The following STYX variants were observed in gnomAD, a reference collection of about 807,000 sequenced individuals.
STYX encodes the protein serine/threonine/tyrosine-interacting protein.
STYX carries 20 observed loss-of-function variants against 42.7 expected under a neutral mutation model. The ratio of observed to expected loss-of-function variants is 0.47; its 90% CI spans 0.33 to 0.68. STYX has a LOEUF of 0.68. Among genes scored for constraint, STYX ranks in the 30% least tolerant of loss-of-function variants. The probability of loss-of-function intolerance (pLI) is 0.02; values close to 1 mark genes in which losing one functional copy is unlikely to be tolerated. For missense variants in STYX, 226 were observed against 268.5 expected, an observed-to-expected ratio of 0.84 and a Z score of 1.11; for synonymous variants, 78 against 81.9, an observed-to-expected ratio of 0.95 and a Z score of 0.26.
intron 10 of STYX, among the ~76,000 whole-genome samples, chr14:52,769,500 C>A (rs748705195): frequency 6.6e-6 from 1 of 152,042 alleles, no homozygotes; most frequent in Non-Finnish European, 1.5e-5. Context: ...GTAGTAAGAA[C>A]AGCTTATATA....
chr14:52,756,675 CTTTTTTTTT>C (rs748826005), intron 5 of STYX, 64 bp downstream of exon 5: 40 of 71,902 alleles, frequency 5.6e-4, no homozygotes, highest in East Asian at 1.1e-3. Flanking sequence ...CTTAGTTGTG[CTTTTTTTTT>C]TTTTTTTTTT....
chr14:52,757,581 A>G (rs1291905352), intron 6 of STYX, among the ~76,000 whole-genome samples, 162 bp from the exon 7 acceptor site: 1 of 152,204 alleles, frequency 6.6e-6, no homozygotes, highest in Non-Finnish European at 1.5e-5. Context: ...CTTTAATAAG[A>G]GTCTGCTATA....
At position 52,771,068 on chromosome 14, in the gene STYX, T is replaced by A. The variant is rs369884692; in HGVS notation, c.634T>A (p.Phe212Ile). Reference sequence around the variant, plus strand: ...GAGAACACATGAAGAAGAGGATGATTTTGGAACCATGCAAGTGGCGACTGC... The same window carrying A: ...GAGAACACATGAAGAAGAGGATGATATTGGAACCATGCAAGTGGCGACTGC... ...LKRTHEEEDD[F>I]GTMQVATAQN... The change falls in exon 11 of 11, where the codon TTT becomes ATT. Residue 212 changes from phenylalanine (F) to isoleucine (I), a missense_variant. Physicochemically the swap from Phe to Ile is conservative, Grantham distance 21 (BLOSUM62 0). Coordinates refer to ENST00000354586, the MANE Select transcript of STYX (RefSeq NM_145251.4). The A allele has an allele frequency of 1.2e-6, 2 of 1,612,956 alleles. No individual in the cohort carries two copies. Among genetic ancestry groups the A allele is most frequent in the Non-Finnish European group, 1.7e-6 (2 of 1,179,244 alleles).
intron 1 of STYX, 77 bp from the exon 2 acceptor site, chr14:52,744,775 G>C: frequency 1.5e-6 from 2 of 1,328,886 alleles, no homozygotes; most frequent in South Asian, 1.2e-5. Flanking sequence ...CTACATACTT[G>C]TGTGTCACAT....
At chr14:52,736,992 C>G (rs2139880412) in intron 1 of STYX, among the ~76,000 whole-genome samples, 1 of 152,288 alleles carries the variant, frequency 6.6e-6, no homozygotes, top group East Asian at 1.9e-4. Context: ...AAGTGCAATA[C>G]TAACTTTTCT....
intron 5 of STYX, among the ~76,000 whole-genome samples, 171 bp from the exon 6 acceptor site, chr14:52,757,148 C>T (rs1881905110): frequency 6.6e-6 from 1 of 152,034 alleles, no homozygotes; most frequent in Non-Finnish European, 1.5e-5. Context: ...ATTTTGGCTT[C>T]TTTAATTTTT....
At chr14:52,764,219 C>A (rs1882211059) in intron 9 of STYX, among the ~76,000 whole-genome samples, 1 of 152,142 alleles carries the variant, frequency 6.6e-6, no homozygotes. Flanking sequence ...TCTCGAACTC[C>A]TGACCTCATG....
intron 6 of STYX, 64 bp downstream of exon 6, chr14:52,757,419 G>A: frequency 1.4e-6 from 2 of 1,431,908 alleles, no homozygotes; most frequent in South Asian, 1.2e-5. Context: ...TTTTTTAGTT[G>A]GTATTTGTCT....
intron 9 of STYX, 92 bp downstream of exon 9, chr14:52,759,846 T>C: frequency 1.3e-6 from 1 of 778,742 alleles, no homozygotes; most frequent in South Asian, 1.7e-5. Context: ...TGTGAATACT[T>C]AAAATTGCCA....
In STYX at chr14:52,750,930, T is replaced by C. The variant is rs193119615; in HGVS notation, c.242+150T>C. 5 of 474,610 alleles carry C rather than the reference T, an allele frequency of 1.1e-5. No homozygotes were observed. The Admixed American group carries it at 1.8e-4, about 17-fold the overall frequency. 29.4% of individuals were successfully genotyped at this position (474,610 alleles called of 1,614,324 possible). A position where few individuals can be genotyped will look rare whatever the true frequency, so the allele number is the denominator to read the frequency against. On this transcript the variant is annotated intron_variant, in intron 4 of 10. Coordinates refer to ENST00000354586, the MANE Select transcript of STYX (RefSeq NM_145251.4). ...ATAAATTTTACTTAAAATACTTAAA[T>C]AAATTATGCCCATAATGCAGAATTC...
At chr14:52,762,050 GA>G (rs1048933849) in intron 9 of STYX, among the ~76,000 whole-genome samples, 154 of 142,528 alleles carry the variant, frequency 1.1e-3, no homozygotes, top group Middle Eastern at 7.2e-3. Context: ...CGTCACAAAA[GA>G]AAAAAAAAAA....
chr14:52,745,586 A>G (rs1165751616), intron 2 of STYX, among the ~76,000 whole-genome samples: 7 of 152,368 alleles, frequency 4.6e-5, no homozygotes, highest in Non-Finnish European at 1.0e-4. Context: ...CCGATTTTTA[A>G]TCAACTTCCA....
intron 1 of STYX, among the ~76,000 whole-genome samples, chr14:52,739,831 A>G (rs1335645000): frequency 6.6e-6 from 1 of 151,474 alleles, no homozygotes; most frequent in Non-Finnish European, 1.5e-5. Context: ...TTTTGTAGAG[A>G]TGAGGTCTCC....
rs765893291 is a variant in STYX at position 52,768,961 on chromosome 14, T to C, written c.598+28T>C. On this transcript the variant is annotated intron_variant, in intron 10 of 10. Transcript: ENST00000354586. Reference sequence around the variant, plus strand: ...AAGGATTTTTTTCTTTTTGGAGAAATTTGGGAAGAAAGATAATGAAAGGTG... The same window carrying C: ...AAGGATTTTTTTCTTTTTGGAGAAACTTGGGAAGAAAGATAATGAAAGGTG... 1.4e-5 allele frequency: 22 copies of C among 1,526,072 alleles called. No individual in the cohort carries two copies. In the South Asian group the frequency reaches 2.1e-4, roughly 15 times the overall value. 94.5% of individuals were successfully genotyped at this position (1,526,072 alleles called of 1,614,324 possible).
At chr14:52,752,339 C>A (rs1280408854) in intron 4 of STYX, among the ~76,000 whole-genome samples, 1 of 151,932 alleles carries the variant, frequency 6.6e-6, no homozygotes, top group Non-Finnish European at 1.5e-5. Context: ...GTGGCACATG[C>A]CTGTAGTCCC....
At chr14:52,740,924 A>G (rs1353602094) in intron 1 of STYX, among the ~76,000 whole-genome samples, 1 of 152,216 alleles carries the variant, frequency 6.6e-6, no homozygotes, top group African/African-American at 2.4e-5. Flanking sequence ...CCATTCCACA[A>G]TAGGAAACCA....
chr14:52,747,053 A>G (rs1405473562), intron 3 of STYX, among the ~76,000 whole-genome samples: 1 of 152,224 alleles, frequency 6.6e-6, no homozygotes, highest in Non-Finnish European at 1.5e-5. Flanking sequence ...GCTCAATTAT[A>G]AGTATAATGC....
In STYX at chr14:52,769,290, C is replaced by A. The variant is rs140912600; in HGVS notation, c.598+357C>A. On this transcript the variant is annotated intron_variant, in intron 10 of 10. Transcript: ENST00000354586. The stretch of plus-strand genomic sequence containing the variant: ...TTTCCATCCTTTCCTCCCTCTGTTG[C>A]TATTTCAGAAGTACCCTAAGCCCCT... 2.6e-3 allele frequency among the ~76,000 whole-genome samples: 402 copies of A among 152,170 alleles called. 1 individual carries two copies. Among genetic ancestry groups the A allele is most frequent in the Non-Finnish European group, 3.1e-3 (209 of 67,968 alleles).
chr14:52,759,154 C>T (rs558277241), intron 8 of STYX, among the ~76,000 whole-genome samples: 7 of 152,060 alleles, frequency 4.6e-5, no homozygotes, highest in Non-Finnish European at 1.0e-4. Flanking sequence ...ACAGGGTCTT[C>T]CTTTGTTTCT....
Sources: gnomAD v4.1 joint callset for allele counts (sites outside exome capture counted in the v4.1 genomes callset) on GRCh38, gnomAD v4.1.1 for gene constraint, MANE v1.5 for transcripts, NCBI Gene and HGNC (gene_info 2026-07-23, HGNC 2026-07-21) for gene names.